Variants in DLEU7 observed in about 807,000 individuals in gnomAD.
DLEU7 encodes the protein deleted in lymphocytic leukemia 7, also known as leukemia-associated protein 7.
A neutral mutation model predicts 16.0 loss-of-function variants in DLEU7; 17 were observed. The ratio of observed to expected loss-of-function variants is 1.06; its 90% CI spans 0.73 to 1.59. DLEU7 has a LOEUF of 1.59. Ranked by LOEUF, DLEU7 falls within the 40% of genes most tolerant of loss-of-function variation. The probability of loss-of-function intolerance (pLI) is 0.00; values close to 1 mark genes in which losing one functional copy is unlikely to be tolerated. For missense variants in DLEU7, 308 were observed against 314.9 expected, an observed-to-expected ratio of 0.98 and a Z score of 0.17; for synonymous variants, 113 against 139.8, an observed-to-expected ratio of 0.81 and a Z score of 1.35.
intron 1 of DLEU7, among the ~76,000 whole-genome samples, chr13:50,836,683 A>C (rs944409620): frequency 2.0e-4 from 30 of 152,058 alleles, no homozygotes; most frequent in African/African-American, 7.0e-4. Context: ...CAAAAGAAAA[A>C]AAAAAGGAAA....
chr13:50,750,020 C>G (rs1198115965), intron 1 of DLEU7, among the ~76,000 whole-genome samples: 1 of 152,178 alleles, frequency 6.6e-6, no homozygotes, highest in East Asian at 1.9e-4. Context: ...AAGCCAATGT[C>G]TAAAAGGGTT....
chr13:50,823,557 A>C (rs1242401077), intron 1 of DLEU7, 37 bp from the exon 2 acceptor site: 2 of 1,530,922 alleles, frequency 1.3e-6, no homozygotes, highest in African/African-American at 1.4e-5. Flanking sequence ...GAAATTAGAT[A>C]GGTTATGGGG....
At chr13:50,785,536 G>A (rs1875775165) in intron 1 of DLEU7, among the ~76,000 whole-genome samples, 1 of 152,166 alleles carries the variant, frequency 6.6e-6, no homozygotes, top group African/African-American at 2.4e-5. Flanking sequence ...CTTATCCTCA[G>A]CTATAAAAAA....
chr13:50,747,853 A>G (rs1874445717), intron 1 of DLEU7, among the ~76,000 whole-genome samples: 1 of 152,182 alleles, frequency 6.6e-6, no homozygotes, highest in African/African-American at 2.4e-5. Context: ...TTTATCCCCC[A>G]ATGTAGTTTT....
intron 1 of DLEU7, among the ~76,000 whole-genome samples, chr13:50,811,695 G>T (rs1876572363): frequency 6.6e-6 from 1 of 152,124 alleles, no homozygotes; most frequent in African/African-American, 2.4e-5. Flanking sequence ...CCAACAACCT[G>T]ATGTGTTTTA....
chr13:50,796,763 C>T (rs7322292), intron 1 of DLEU7, among the ~76,000 whole-genome samples: 63,463 of 151,712 alleles, frequency 0.42, 13,526 homozygotes, highest in African/African-American at 0.5. Context: ...TGCTCTTCCA[C>T]CACCCTCTGA....
chr13:50,718,218 A>C (rs1873493209), intron 1 of DLEU7, among the ~76,000 whole-genome samples: 1 of 152,248 alleles, frequency 6.6e-6, no homozygotes, highest in Non-Finnish European at 1.5e-5. Context: ...GAAATGAGAA[A>C]TGGTCAACTT....
intron 1 of DLEU7, among the ~76,000 whole-genome samples, chr13:50,748,585 G>A (rs181893940): frequency 3.9e-5 from 6 of 152,128 alleles, no homozygotes; most frequent in Admixed American, 1.3e-4. Context: ...CTCAGGTGAC[G>A]GTCCTACCTC....
At chr13:50,748,113 T>C (rs1273627749) in intron 1 of DLEU7, among the ~76,000 whole-genome samples, 1 of 152,144 alleles carries the variant, frequency 6.6e-6, no homozygotes, top group African/African-American at 2.4e-5. Context: ...AGAAGCAAAG[T>C]TTTTTTGTGT....
intron 1 of DLEU7, among the ~76,000 whole-genome samples, chr13:50,747,109 T>C (rs1036681096): frequency 5.3e-5 from 8 of 152,110 alleles, no homozygotes; most frequent in African/African-American, 1.7e-4. Context: ...TGATAATTTC[T>C]GAATGGGTTA....
intron 1 of DLEU7, among the ~76,000 whole-genome samples, chr13:50,795,484 C>G (rs1876087020): frequency 6.6e-6 from 1 of 152,142 alleles, no homozygotes; most frequent in Non-Finnish European, 1.5e-5. Flanking sequence ...CCTGAGAGAG[C>G]AGTGGAGATG....
intron 1 of DLEU7, among the ~76,000 whole-genome samples, chr13:50,816,824 A>G (rs919448771): frequency 6.6e-6 from 1 of 151,992 alleles, no homozygotes; most frequent in Non-Finnish European, 1.5e-5. Context: ...TGCTTTCTTC[A>G]TGTTTGGGAT....
chr13:50,746,682 C>T (rs74081121), intron 1 of DLEU7, among the ~76,000 whole-genome samples: 2,944 of 152,156 alleles, frequency 0.019, 98 homozygotes, highest in African/African-American at 0.067. Context: ...GAATTTTTTC[C>T]TAGATTTATC....
chr13:50,824,878 C>T (rs1374496904), intron 1 of DLEU7, among the ~76,000 whole-genome samples: 4 of 152,186 alleles, frequency 2.6e-5, no homozygotes. Context: ...AAAATACAAT[C>T]TACCGTGATA....
chr13:50,723,951 G>T (rs972712407), intron 1 of DLEU7, among the ~76,000 whole-genome samples: 1 of 151,776 alleles, frequency 6.6e-6, no homozygotes, highest in Non-Finnish European at 1.5e-5. Context: ...GTTATTTCTG[G>T]GTCATAGAAG....
Position 50,843,502 on chromosome 13 carries a change from C to T in DLEU7, c.145G>A (p.Ala49Thr), listed in dbSNP as rs759042266. The change falls in exon 1 of 2, where the codon GCT becomes ACT. Residue 49 changes from alanine to threonine, a missense_variant. Ala to Thr is a moderately conservative substitution (Grantham distance 58). Transcript: ENST00000504404. The surrounding 1 kb of genome is among the most constrained non-coding windows in gnomAD (Gnocchi z 5.7). ...NPRDPDHVSTAPARRSGPPRA... is the reference protein window; with the variant it reads ...NPRDPDHVSTTPARRSGPPRA... ...GGCGGGCCTGAGCGACGGGCTGGAG[C>T]GGTGGACACGTGGTCTGGGTCCCGC... 1.1e-5 allele frequency: 16 copies of T among 1,394,988 alleles called. No homozygotes were observed. The highest frequency in any genetic ancestry group is 1.1e-4 in the South Asian group (7 of 63,208). The allele number at this position is 1,394,988 out of a possible 1,614,324, so 86.4% of individuals were successfully genotyped here. A position where few individuals can be genotyped will look rare whatever the true frequency, so the allele number is the denominator to read the frequency against.
chr13:50,797,636 T>C (rs931875832), intron 1 of DLEU7, among the ~76,000 whole-genome samples: 9 of 152,196 alleles, frequency 5.9e-5, no homozygotes, highest in African/African-American at 1.9e-4. Flanking sequence ...GGCAGGAAAG[T>C]ATATGAAAAG....
intron 1 of DLEU7, among the ~76,000 whole-genome samples, chr13:50,743,347 T>A (rs182457943): frequency 5.1e-4 from 77 of 152,264 alleles, no homozygotes; most frequent in African/African-American, 1.6e-3. Flanking sequence ...GTGAATGTCT[T>A]TATAAACAGT....
rs541524963 is a variant in DLEU7, at chr13:50,786,004, A to T, written c.459+57184T>A. Among the ~76,000 whole-genome samples, 205 of 152,328 alleles carry T rather than the reference A, an allele frequency of 1.3e-3. 1 individual carries two copies. Among genetic ancestry groups the T allele is most frequent in the African/African-American group, 4.5e-3 (185 of 41,562 alleles). Reference sequence around the variant, plus strand: ...TCTAGCATAAAGGACCAGCATTAAGATGAAAATTAGGTGGAGAAACTCCAG... The same window carrying T: ...TCTAGCATAAAGGACCAGCATTAAGTTGAAAATTAGGTGGAGAAACTCCAG... On this transcript the variant is annotated intron_variant, in intron 1 of 1. Coordinates refer to the DLEU7 transcript ENST00000400393.
Sources: allele counts gnomAD v4.1 joint callset (sites outside exome capture counted in the v4.1 genomes callset), GRCh38; gene constraint gnomAD v4.1.1; non-coding constraint Gnocchi (gnomAD v3.1); transcripts MANE v1.5; gene names NCBI Gene and HGNC (gene_info 2026-07-23, HGNC 2026-07-21).